GYS2: variants seen among roughly 807,000 people sequenced by gnomAD.
The protein encoded by GYS2 is glycogen [starch] synthase, liver.
In GYS2, 80 loss-of-function variants were observed where a neutral mutation model predicts 85.6. That is an observed-to-expected ratio of 0.93 (90% confidence interval 0.78 to 1.13). The LOEUF is 1.13. GYS2 is among the 50% of genes most tolerant of loss of function. The pLI is 0.00. For missense variants in GYS2, 881 were observed against 854.9 expected (o/e 1.03, Z -0.38); for synonymous variants, 328 against 300.7 (o/e 1.09, Z -0.94).
intron 13 of GYS2, among the ~76,000 whole-genome samples, chr12:21,542,020 C>T (rs535346172): frequency 3.3e-5 from 5 of 151,502 alleles, no homozygotes; most frequent in Non-Finnish European, 7.4e-5. Context: ...GTCCATGTTG[C>T]TGCAAAGGAC....
At chr12:21,585,918 G>C (rs957235376) in intron 1 of GYS2, among the ~76,000 whole-genome samples, 1 of 152,182 alleles carries the variant, frequency 6.6e-6, no homozygotes. Flanking sequence ...TAGTATGTTA[G>C]GCATAATTAT....
At chr12:21,546,730 A>T (rs9783464) in intron 11 of GYS2, among the ~76,000 whole-genome samples, 1 of 152,056 alleles carries the variant, frequency 6.6e-6, no homozygotes, top group African/African-American at 2.4e-5. Flanking sequence ...AAGGAGTTAG[A>T]GTGCTCATTT....
downstream of GYS2, among the ~76,000 whole-genome samples, chr12:21,534,587 GGAAA>G (rs951248439): frequency 4.8e-5 from 7 of 145,882 alleles, no homozygotes; most frequent in South Asian, 4.4e-4. Flanking sequence ...AAGGAAAGAA[GGAAA>G]GAAAGAAAAA....
In GYS2 at chr12:21,604,673, A is replaced by G; in HGVS notation, c.-81T>C. 6.2e-7 allele frequency: 1 copy of G among 1,601,342 alleles called. No homozygotes were observed. The highest frequency in any genetic ancestry group is 2.3e-5 in the East Asian group (1 of 44,360). ...CCAGGAGAAGAGAACTTACAGGCAC[A>G]AAAGTTAGAGTTGGTAGAGTTACCA... On this transcript the variant is annotated 5_prime_UTR_variant, in exon 1 of 16. Transcript: ENST00000261195.
At chr12:21,582,097 G>A (rs1003431046) in intron 1 of GYS2, among the ~76,000 whole-genome samples, 1 of 152,100 alleles carries the variant, frequency 6.6e-6, no homozygotes, top group South Asian at 2.1e-4. Flanking sequence ...TGCAAACTAT[G>A]AATGCAACAA....
At chr12:21,576,452 T>C (rs1339384604) in intron 2 of GYS2, among the ~76,000 whole-genome samples, 1 of 152,204 alleles carries the variant, frequency 6.6e-6, no homozygotes, top group Non-Finnish European at 1.5e-5. Context: ...GGCTCCAGTG[T>C]CGCTTATTTT....
Position 21,537,142 on chromosome 12 carries a change from C to T in GYS2, c.1924G>A (p.Val642Ile), listed in dbSNP as rs367881123. Residue 642 changes from valine to isoleucine, a missense_variant, in exon 16 of 16, where the codon GTA (valine) becomes ATA (isoleucine). Coordinates refer to ENST00000261195, the MANE Select transcript of GYS2 (RefSeq NM_021957.4). ...EGFKYPRPSSVPPSPSGSQAS... is the reference protein window; with the variant it reads ...EGFKYPRPSSIPPSPSGSQAS... ...TGAGACCCTGAAGGAGAAGGTGGTA[C>T]TGAGGAAGGCCTGGGATATTTAAAT... 159 of 1,613,702 alleles carry T rather than the reference C, an allele frequency of 9.9e-5. No individual in the cohort carries two copies. Among genetic ancestry groups the T allele is most frequent in the Admixed American group, 5.2e-4 (31 of 59,946 alleles).
intron 1 of GYS2, 143 bp from the exon 2 acceptor site, chr12:21,580,666 G>A (rs1177450946): frequency 1.4e-6 from 1 of 713,754 alleles, no homozygotes; most frequent in Admixed American, 2.1e-5. Flanking sequence ...AAAAATAATA[G>A]TATTTGACAT....
intron 1 of GYS2, among the ~76,000 whole-genome samples, chr12:21,586,351 C>T (rs1390490827): frequency 6.6e-6 from 1 of 152,078 alleles, no homozygotes; most frequent in African/African-American, 2.4e-5. Context: ...TTGCAGATGG[C>T]CTATTGTGGG....
chr12:21,551,093 C>G (rs1944104923), intron 11 of GYS2, among the ~76,000 whole-genome samples: 1 of 151,338 alleles, frequency 6.6e-6, no homozygotes, highest in South Asian at 2.1e-4. Context: ...ATGTGCCATG[C>G]TGGTGTGCTG....
downstream of GYS2, among the ~76,000 whole-genome samples, chr12:21,535,479 T>C (rs939682279): frequency 2.0e-5 from 3 of 152,198 alleles, no homozygotes; most frequent in African/African-American, 7.2e-5. Flanking sequence ...CACAGGGCAT[T>C]TGTCAAAGGC....
chr12:21,551,188 GTGTGA>G (rs1944106846), intron 11 of GYS2, among the ~76,000 whole-genome samples: 1 of 116,518 alleles, frequency 8.6e-6, no homozygotes, highest in Non-Finnish European at 1.6e-5. Context: ...AGTCCCCAGA[GTGTGA>G]TGTTCCCCTT....
chr12:21,540,651 C>T (rs914649055), intron 13 of GYS2, 78 bp from the exon 14 acceptor site: 7 of 1,305,292 alleles, frequency 5.4e-6, no homozygotes, highest in Non-Finnish European at 7.7e-6. Flanking sequence ...TTTACTAACT[C>T]TTTGGTTCCA....
At chr12:21,545,809 T>C (rs964019580) in intron 12 of GYS2, among the ~76,000 whole-genome samples, 1 of 152,212 alleles carries the variant, frequency 6.6e-6, no homozygotes, top group African/African-American at 2.4e-5. Flanking sequence ...ACCTTTTATT[T>C]TGAGGCACAA....
chr12:21,590,057 G>A (rs1415670475), intron 1 of GYS2, among the ~76,000 whole-genome samples: 1 of 152,108 alleles, frequency 6.6e-6, no homozygotes, highest in African/African-American at 2.4e-5. Context: ...ACATTTATAA[G>A]CTCCCTAAGA....
intron 11 of GYS2, among the ~76,000 whole-genome samples, chr12:21,554,657 G>T (rs1380420049): frequency 1.3e-5 from 2 of 152,182 alleles, no homozygotes; most frequent in South Asian, 2.1e-4. Context: ...TTCCTGTCTG[G>T]AGTAGAGGAA....
Position 21,536,765 on chromosome 12 carries a change from G to A in GYS2, c.*189C>T. 1.7e-6 allele frequency: 1 copy of A among 605,690 alleles called. No homozygotes were observed. Among genetic ancestry groups the A allele is most frequent in the Non-Finnish European group, 2.9e-6 (1 of 341,542 alleles). The allele number at this position is 605,690 out of a possible 1,614,324, so 37.5% of individuals were successfully genotyped here. A position where few individuals can be genotyped will look rare whatever the true frequency, so the allele number is the denominator to read the frequency against. On this transcript the variant is annotated 3_prime_UTR_variant, in exon 16 of 16. Coordinates refer to ENST00000261195, the MANE Select transcript of GYS2 (RefSeq NM_021957.4). ...ACTTTATGGGGGAAACAAGAGTTGGGGAAAATAACTTGGATCTTATCCTAA... is the reference window on the plus strand; with the variant it reads ...ACTTTATGGGGGAAACAAGAGTTGGAGAAAATAACTTGGATCTTATCCTAA...
At chr12:21,587,142 G>A (rs570571465) in intron 1 of GYS2, among the ~76,000 whole-genome samples, 1 of 152,268 alleles carries the variant, frequency 6.6e-6, no homozygotes, top group South Asian at 2.1e-4. Context: ...CGATGAGTAA[G>A]CATAGACATA....
intron 1 of GYS2, among the ~76,000 whole-genome samples, chr12:21,601,163 A>T (rs1944752209): frequency 6.6e-6 from 1 of 152,114 alleles, no homozygotes; most frequent in South Asian, 2.1e-4. Flanking sequence ...GATTGTAGTA[A>T]GACCTGGGCA....
Sources: gnomAD v4.1 joint callset for allele counts (sites outside exome capture counted in the v4.1 genomes callset) on GRCh38, gnomAD v4.1.1 for gene constraint, MANE v1.5 for transcripts, NCBI Gene and HGNC (gene_info 2026-07-23, HGNC 2026-07-21) for gene names.